The following DRICH1 variants were observed in gnomAD, a reference collection of about 807,000 sequenced individuals.
DRICH1 encodes aspartate rich 1.
A neutral mutation model predicts 39.5 loss-of-function variants in DRICH1; 38 were observed. The ratio of observed to expected loss-of-function variants is 0.96; its 90% CI spans 0.74 to 1.26. DRICH1 has a LOEUF of 1.26. Ranked by LOEUF, DRICH1 falls within the 50% of genes most tolerant of loss-of-function variation. The pLI is 0.00. For synonymous variants in DRICH1, 84 were observed against 99.5 expected (o/e 0.84, Z 0.93); for missense variants, 279 against 270.4 (o/e 1.03, Z -0.22).
chr22:23,621,051 C>A (rs1450753094), intron 4 of DRICH1, among the ~76,000 whole-genome samples: 1 of 152,010 alleles, frequency 6.6e-6, no homozygotes, highest in Non-Finnish European at 1.5e-5. Flanking sequence ...TATTTTTATA[C>A]CAAGATTAAT....
chr22:23,625,467 G>C (rs956052234), intron 2 of DRICH1, among the ~76,000 whole-genome samples: 3 of 152,096 alleles, frequency 2.0e-5, no homozygotes, highest in African/African-American at 7.2e-5. Context: ...ATGCCTGCTT[G>C]TTGGGCTCCC....
downstream of DRICH1, among the ~76,000 whole-genome samples, chr22:23,607,542 G>C (rs891342927): frequency 2.0e-5 from 3 of 151,434 alleles, no homozygotes; most frequent in Non-Finnish European, 4.4e-5. Flanking sequence ...CGGGGGCGGG[G>C]GGGGGCCTCT....
At chr22:23,613,499 A>T in intron 10 of DRICH1, 140 bp downstream of exon 10, 1 of 889,814 alleles carries the variant, frequency 1.1e-6, no homozygotes. Context: ...ACAGCTTCTC[A>T]GGCCAGAGTT....
At chr22:23,596,398 C>T in the DRICH1 span, among the ~76,000 whole-genome samples, 3 of 150,202 alleles carry the variant, frequency 2.0e-5, no homozygotes, top group Admixed American at 6.6e-5. Flanking sequence ...TAGTTGTGAC[C>T]ACAGGTACAT....
At chr22:23,592,838 A>C in the DRICH1 span, among the ~76,000 whole-genome samples, 1 of 24,542 alleles carries the variant, frequency 4.1e-5, no homozygotes, top group South Asian at 1.0e-3. Context: ...TTAAAAATAC[A>C]CACACACACA....
chr22:23,624,782 C>A, intron 3 of DRICH1, 101 bp downstream of exon 3: 3 of 1,379,844 alleles, frequency 2.2e-6, no homozygotes, highest in South Asian at 1.2e-5. Context: ...TTGCTCTCAC[C>A]AGACCCCCAA....
the DRICH1 span, among the ~76,000 whole-genome samples, chr22:23,595,012 A>G: frequency 6.7e-6 from 1 of 148,828 alleles, no homozygotes; most frequent in Non-Finnish European, 1.5e-5. Context: ...GAGGATAAGC[A>G]GAGCCCACCA....
At chr22:23,607,043 G>A (rs1300069837), downstream of DRICH1, 1 of 152,836 alleles carries the variant, frequency 6.5e-6, no homozygotes, top group Non-Finnish European at 1.5e-5. Context: ...GTTGTGCAGG[G>A]GCCCACGATG....
At chr22:23,620,909 G>C (rs1645335316) in intron 4 of DRICH1, among the ~76,000 whole-genome samples, 1 of 152,148 alleles carries the variant, frequency 6.6e-6, no homozygotes, top group Admixed American at 6.5e-5. Context: ...AAATGCCTCT[G>C]CATTACAGTA....
intron 10 of DRICH1, 87 bp from the exon 11 acceptor site, chr22:23,613,417 G>T: frequency 8.7e-7 from 1 of 1,143,594 alleles, no homozygotes; most frequent in South Asian, 1.2e-5. Flanking sequence ...GCTGAGTGAT[G>T]AGCTAGTCTC....
chr22:23,609,789 C>T (rs1445307030), intron 11 of DRICH1, among the ~76,000 whole-genome samples: 1 of 152,236 alleles, frequency 6.6e-6, no homozygotes, highest in East Asian at 1.9e-4. Context: ...CTCAGCTCAC[C>T]TCTCCCTCAA....
chr22:23,624,691 A>C (rs1927955434), intron 3 of DRICH1, among the ~76,000 whole-genome samples, 192 bp downstream of exon 3: 1 of 152,226 alleles, frequency 6.6e-6, no homozygotes, highest in South Asian at 2.1e-4. Context: ...ACTGGCTCAC[A>C]CAAAATCTCC....
At chr22:23,607,546 G>GC (rs199626074), downstream of DRICH1, among the ~76,000 whole-genome samples, 31 of 150,540 alleles carry the variant, frequency 2.1e-4, no homozygotes, top group Non-Finnish European at 3.7e-4. Flanking sequence ...GGCGGGGGGG[G>GC]GCCTCTTGCC....
intron 1 of DRICH1, among the ~76,000 whole-genome samples, chr22:23,627,991 C>G (rs1205286110): frequency 6.6e-6 from 1 of 152,198 alleles, no homozygotes; most frequent in African/African-American, 2.4e-5. Flanking sequence ...AGTCACTGCC[C>G]TGGCAGGAAA....
the DRICH1 span, among the ~76,000 whole-genome samples, chr22:23,600,379 T>C: frequency 6.6e-6 from 1 of 152,226 alleles, no homozygotes; most frequent in Non-Finnish European, 1.5e-5. Context: ...TGCCCTACAG[T>C]TGGCCATAGC....
chr22:23,623,728 C>T (rs1927901796), intron 3 of DRICH1, among the ~76,000 whole-genome samples: 1 of 152,190 alleles, frequency 6.6e-6, no homozygotes, highest in African/African-American at 2.4e-5. Flanking sequence ...GGTGGATGCA[C>T]ATTCATGAGA....
At position 23,621,952 on chromosome 22, in the gene DRICH1, A is replaced by G. The variant is rs954419981; in HGVS notation, c.384+139T>C. Reference sequence around the variant, plus strand: ...ACAAAAAAAGAAAAGAAAAGAAAAAAGAAACAAAGAAAGGAAAGAAAATCT... The same window carrying G: ...ACAAAAAAAGAAAAGAAAAGAAAAAGGAAACAAAGAAAGGAAAGAAAATCT... On this transcript the variant is annotated intron_variant, in intron 4 of 11. Transcript: ENST00000317749. The G allele has an allele frequency of 6.2e-6, 5 of 809,896 alleles. No homozygotes were observed. In the African/African-American group the frequency reaches 6.9e-5, roughly 11 times the overall value. 50.2% of individuals were successfully genotyped at this position (809,896 alleles called of 1,614,324 possible).
At chr22:23,596,017 T>C in the DRICH1 span, among the ~76,000 whole-genome samples, 73,632 of 152,078 alleles carry the variant, frequency 0.48, 18,221 homozygotes, top group East Asian at 0.62. Context: ...ACAGCCTGTC[T>C]TCTCACCGGA....
intron 8 of DRICH1, among the ~76,000 whole-genome samples, chr22:23,616,061 A>G (rs570046796): frequency 6.7e-4 from 102 of 152,350 alleles, no homozygotes; most frequent in African/African-American, 2.1e-3. Context: ...TCTGTCCTCC[A>G]TGCCCAGGAA....
Sources: allele counts gnomAD v4.1 joint callset (sites outside exome capture counted in the v4.1 genomes callset), GRCh38; gene constraint gnomAD v4.1.1; transcripts MANE v1.5; gene names NCBI Gene and HGNC (gene_info 2026-07-23, HGNC 2026-07-21).